LRRN1: variants seen among roughly 807,000 people sequenced by gnomAD.
The protein encoded by LRRN1 is leucine-rich repeat neuronal protein 1.
LRRN1 carries 14 observed loss-of-function variants against 45.8 expected under a neutral mutation model. That is an observed-to-expected ratio of 0.31 (90% CI 0.20 to 0.48). The LOEUF is 0.48. Ranked by LOEUF, LRRN1 falls within the 20% of genes least tolerant of loss-of-function variation. LRRN1 has a pLI of 0.99. For missense variants in LRRN1, 789 were observed against 874.2 expected, an observed-to-expected ratio of 0.90 and a Z score of 1.23; for synonymous variants, 359 against 330.1, an observed-to-expected ratio of 1.09 and a Z score of -0.95.
At chr3:3,807,714 C>G (rs548185321) in intron 1 of LRRN1, among the ~76,000 whole-genome samples, 15 of 152,264 alleles carry the variant, frequency 9.9e-5, no homozygotes, top group Admixed American at 4.6e-4. Flanking sequence ...TCAACCATAT[C>G]CTGAGAGTTT....
At chr3:3,833,151 A>C (rs374815220) in intron 1 of LRRN1, among the ~76,000 whole-genome samples, 4 of 152,312 alleles carry the variant, frequency 2.6e-5, no homozygotes. Flanking sequence ...TCTATTTTGC[A>C]GGGCATTGGT....
intron 1 of LRRN1, among the ~76,000 whole-genome samples, chr3:3,810,738 A>C (rs1312974677): frequency 6.6e-6 from 1 of 152,186 alleles, no homozygotes; most frequent in Non-Finnish European, 1.5e-5. Context: ...AAAGAAAAAG[A>C]GACAGTCACC....
intron 1 of LRRN1, among the ~76,000 whole-genome samples, chr3:3,815,362 C>T (rs6767246): frequency 6.6e-6 from 1 of 152,278 alleles, no homozygotes; most frequent in South Asian, 2.1e-4. Flanking sequence ...AGCTCCCCAC[C>T]TCCCCTGCCA....
At chr3:3,821,642 CTAGA>C (rs1693108133) in intron 1 of LRRN1, among the ~76,000 whole-genome samples, 1 of 152,130 alleles carries the variant, frequency 6.6e-6, no homozygotes, top group Admixed American at 6.6e-5. Flanking sequence ...TCAACTGACA[CTAGA>C]TTTCATCAGA....
intron 1 of LRRN1, among the ~76,000 whole-genome samples, chr3:3,817,900 G>T (rs1308593109): frequency 6.6e-6 from 1 of 152,186 alleles, no homozygotes; most frequent in Non-Finnish European, 1.5e-5. Context: ...ACTTAATTCA[G>T]TCTGGGAGAA....
intron 1 of LRRN1, among the ~76,000 whole-genome samples, chr3:3,820,437 G>T (rs1693078349): frequency 6.6e-6 from 1 of 152,000 alleles, no homozygotes; most frequent in Non-Finnish European, 1.5e-5. Context: ...TTTCATACAG[G>T]GCTGAACATT....
intron 1 of LRRN1, among the ~76,000 whole-genome samples, chr3:3,804,392 T>C (rs1358822950): frequency 6.6e-6 from 1 of 152,208 alleles, no homozygotes; most frequent in Non-Finnish European, 1.5e-5. Context: ...ATGGAACCAT[T>C]GTACCTAATG....
intron 1 of LRRN1, among the ~76,000 whole-genome samples, chr3:3,828,991 C>CTTTT (rs386395826): frequency 1.1e-4 from 16 of 140,530 alleles, no homozygotes; most frequent in African/African-American, 3.7e-4. Flanking sequence ...TCTTTTCTTT[C>CTTTT]TTTTTTTTTT....
chr3:3,837,757 T>A (rs984867752), intron 1 of LRRN1, among the ~76,000 whole-genome samples: 26 of 152,058 alleles, frequency 1.7e-4, no homozygotes, highest in African/African-American at 6.3e-4. Flanking sequence ...CCAGGGTACC[T>A]GTGCAGGATG....
chr3:3,835,480 G>T (rs1427758956), intron 1 of LRRN1, among the ~76,000 whole-genome samples: 1 of 151,982 alleles, frequency 6.6e-6, no homozygotes, highest in East Asian at 1.9e-4. Flanking sequence ...AAGGTCTACA[G>T]CTTGCACAAA....
intron 1 of LRRN1, among the ~76,000 whole-genome samples, chr3:3,807,560 C>T (rs1036147032): frequency 6.6e-6 from 1 of 152,244 alleles, no homozygotes; most frequent in African/African-American, 2.4e-5. Flanking sequence ...AGAGAACCTT[C>T]CCTCAAGGTC....
chr3:3,842,433 A>G (rs1693670994), intron 1 of LRRN1, among the ~76,000 whole-genome samples: 1 of 151,878 alleles, frequency 6.6e-6, no homozygotes, highest in Non-Finnish European at 1.5e-5. Context: ...CCAGTAATGC[A>G]GTTTTCATAT....
chr3:3,845,185 A>G lies in LRRN1; in HGVS notation c.544A>G (p.Ile182Val). Reference protein sequence around the residue: ...LHLNSNKLKVIDSRWFDSTPN... With the variant: ...LHLNSNKLKVVDSRWFDSTPN... ...CCTGAACTCCAACAAATTGAAAGTT[A>G]TTGATAGTCGCTGGTTTGATTCTAC... The change falls in exon 2 of 2, where the codon ATT becomes GTT. Residue 182 changes from isoleucine to valine, a missense_variant. Transcript: ENST00000319331. This position sits in a 1 kb window ranked among gnomAD's most constrained non-coding sequence, Gnocchi z 6.5. The G allele has an allele frequency of 6.2e-7, 1 of 1,614,204 alleles. No individual in the cohort carries two copies. Among genetic ancestry groups the G allele is most frequent in the Non-Finnish European group, 8.5e-7 (1 of 1,180,024 alleles).
intron 1 of LRRN1, among the ~76,000 whole-genome samples, chr3:3,807,402 C>G (rs750944): frequency 0.63 from 96,394 of 152,056 alleles, 33,179 homozygotes; most frequent in Non-Finnish European, 0.78. Flanking sequence ...TTTAACTTTC[C>G]TATCAGAGAA....
At chr3:3,825,076 C>A (rs1693189398) in intron 1 of LRRN1, among the ~76,000 whole-genome samples, 1 of 152,176 alleles carries the variant, frequency 6.6e-6, no homozygotes, top group African/African-American at 2.4e-5. Context: ...CCCGTCTGTC[C>A]CAAGACACCT....
At chr3:3,828,409 G>C (rs1360643975) in intron 1 of LRRN1, among the ~76,000 whole-genome samples, 1 of 151,652 alleles carries the variant, frequency 6.6e-6, no homozygotes, top group African/African-American at 2.4e-5. Flanking sequence ...TTTGCTGGAA[G>C]GTGATTAGAT....
chr3:3,847,523 TAAAAG>T lies in LRRN1; in HGVS notation c.*738_*742del, dbSNP rs1025989146. 5 of 167,068 alleles carry T rather than the reference TAAAAG, an allele frequency of 3.0e-5. No individual in the cohort carries two copies. The highest frequency in any genetic ancestry group is 3.1e-3 in the Middle Eastern group (1 of 318). 10.3% of individuals were successfully genotyped at this position (167,068 alleles called of 1,614,324 possible). ...TCTTTTTATCTTTAGTAGACACTTT[TAAAAG>T]AAAAGACAAGTTTGTTGTGTTTAAC... On this transcript the variant is annotated 3_prime_UTR_variant, in exon 2 of 2. Transcript: ENST00000319331.
chr3:3,832,003 C>G (rs1290067324), intron 1 of LRRN1, among the ~76,000 whole-genome samples: 1 of 152,208 alleles, frequency 6.6e-6, no homozygotes, highest in Non-Finnish European at 1.5e-5. Flanking sequence ...TGGCTGCATA[C>G]CAGGTACCAG....
chr3:3,823,407 A>G (rs369830260), intron 1 of LRRN1, among the ~76,000 whole-genome samples: 2 of 151,240 alleles, frequency 1.3e-5, no homozygotes, highest in African/African-American at 2.5e-5. Flanking sequence ...AAAAAAAAAA[A>G]GAAGAAGAAG....
Sources: allele counts gnomAD v4.1 joint callset (sites outside exome capture counted in the v4.1 genomes callset), GRCh38; gene constraint gnomAD v4.1.1; non-coding constraint Gnocchi (gnomAD v3.1); transcripts MANE v1.5; gene names NCBI Gene and HGNC (gene_info 2026-07-23, HGNC 2026-07-21).